Variants in ZNF234 observed in about 807,000 individuals in gnomAD.
The protein encoded by ZNF234 is zinc finger protein 234, also known as C2-H2 type zinc finger protein.
Under a neutral mutation model 10.3 loss-of-function variants are expected in ZNF234, and 4 were observed. The ratio of observed to expected loss-of-function variants is 0.39; its 90% confidence interval spans 0.19 to 0.89. ZNF234 has a LOEUF of 0.89. ZNF234 is among the 40% of genes least tolerant of loss of function. ZNF234 has a pLI of 0.38. For synonymous variants in ZNF234, 258 were observed against 280.1 expected (o/e 0.92, Z 0.79); for missense variants, 711 against 836.1 (o/e 0.85, Z 1.85).
At chr19:44,148,587 T>C in intron 3 of ZNF234, 184 bp from the exon 4 acceptor site, 1 of 804,250 alleles carries the variant, frequency 1.2e-6, no homozygotes, top group Non-Finnish European at 2.1e-6. Context: ...GATGTACTTT[T>C]ACTGACACTA....
At position 44,156,381 on chromosome 19, in the gene ZNF234, C is replaced by A. The variant is rs752940412; in HGVS notation, c.365C>A (p.Ser122Tyr). 3.1e-6 allele frequency: 5 copies of A among 1,613,572 alleles called. No individual in the cohort carries two copies. Among genetic ancestry groups the A allele is most frequent in the Non-Finnish European group, 4.2e-6 (5 of 1,179,730 alleles). The change falls in exon 6 of 6, where the codon TCT becomes TAT. Residue 122 changes from serine to tyrosine, a missense_variant. By Grantham distance (144) the Ser-to-Tyr change is moderately radical. Coordinates refer to ENST00000426739, the MANE Select transcript of ZNF234 (RefSeq NM_006630.3). ...TATGAAGACTCTATGATAAGTATTT[C>A]TCGGTTCCCCAGACAAGGTGATTTG... is the stretch of plus-strand genomic sequence containing the variant. ...IKYEDSMISI[S>Y]RFPRQGDLSC...
At position 44,158,141 on chromosome 19, in the gene ZNF234, T is replaced by C; in HGVS notation, c.*22T>C. The C allele has an allele frequency of 6.4e-7, 1 of 1,558,862 alleles. No individual in the cohort carries two copies. The highest frequency in any genetic ancestry group is 1.2e-5 in the South Asian group (1 of 85,144). On this transcript the variant is annotated 3_prime_UTR_variant, in exon 6 of 6. Coordinates refer to ENST00000426739, the MANE Select transcript of ZNF234 (RefSeq NM_006630.3). ...GTGATTAAAAAAAAAAAAACAGAACTCATGTACAACCTGAATGCTTGTAAT... is the reference window on the plus strand; with the variant it reads ...GTGATTAAAAAAAAAAAAACAGAACCCATGTACAACCTGAATGCTTGTAAT...
chr19:44,157,431 A>G lies in ZNF234; in HGVS notation c.1415A>G (p.Gln472Arg). ...GGCTTCAATCAGAGCTCACGACTTC[A>G]GATTCACCAGCTGATCCATACCGGT... is the stretch of plus-strand genomic sequence containing the variant. ...GQGFNQSSRL[Q>R]IHQLIHTGEK... Residue 472 changes from glutamine (Q) to arginine (R), a missense_variant, in exon 6 of 6, where the codon CAG becomes CGG. Physicochemically the swap from Gln to Arg is conservative, Grantham distance 43. Coordinates refer to ENST00000426739, the MANE Select transcript of ZNF234 (RefSeq NM_006630.3). 2 of 1,614,032 alleles carry G rather than the reference A, an allele frequency of 1.2e-6. No individual in the cohort carries two copies. The highest frequency in any genetic ancestry group is 1.1e-5 in the South Asian group (1 of 91,078).
In ZNF234 at chr19:44,159,224, C is replaced by G. The variant is rs1270763688; in HGVS notation, c.*1105C>G. The G allele has an allele frequency of 1.3e-5, 2 of 152,430 alleles. No homozygotes were observed. The highest frequency in any genetic ancestry group is 2.9e-5 in the Non-Finnish European group (2 of 68,218). The allele number at this position is 152,430 out of a possible 1,614,324, so 9.4% of individuals were successfully genotyped here. A position where few individuals can be genotyped will look rare whatever the true frequency, so the allele number is the denominator to read the frequency against. ...ACAGGACCTCGCTCTGTCACCGAGG[C>G]TGGAGTGCAGTGGCATAATCATGGC... On this transcript the variant is annotated 3_prime_UTR_variant, in exon 6 of 6. Transcript: ENST00000426739.
Position 44,157,689 on chromosome 19 carries a change from A to G in ZNF234, c.1673A>G (p.His558Arg). ...SFSRSAHLQA[H>R]QKVHTGEKPY... ...AGTCGGAGTGCACACCTTCAAGCCC[A>G]TCAAAAAGTCCACACTGGAGAAAAG... is the stretch of plus-strand genomic sequence containing the variant. The change falls in exon 6 of 6, where the codon CAT becomes CGT. Residue 558 changes from histidine to arginine, a missense_variant. His to Arg is a conservative substitution (Grantham distance 29). Coordinates refer to ENST00000426739, the MANE Select transcript of ZNF234 (RefSeq NM_006630.3). 1 of 1,614,114 alleles carries G rather than the reference A, an allele frequency of 6.2e-7. No homozygotes were observed. Among genetic ancestry groups the G allele is most frequent in the Non-Finnish European group, 8.5e-7 (1 of 1,180,020 alleles).
At chr19:44,150,344 C>A in intron 4 of ZNF234, 69 bp from the exon 5 acceptor site, 1 of 1,286,972 alleles carries the variant, frequency 7.8e-7, no homozygotes, top group Non-Finnish European at 1.1e-6. Context: ...AGTAGTAATT[C>A]AAATTGCCAG....
Position 44,157,718 on chromosome 19 carries a change from T to A in ZNF234, c.1702T>A (p.Tyr568Asn), listed in dbSNP as rs751475643. 32 of 1,614,054 alleles carry A rather than the reference T, an allele frequency of 2.0e-5. No individual in the cohort carries two copies. In the East Asian group the frequency reaches 7.1e-4, roughly 36 times the overall value. ...HQKVHTGEKPYKCGECGKGFK... is the reference protein window; with the variant it reads ...HQKVHTGEKPNKCGECGKGFK... ...AAAAGTCCACACTGGAGAAAAGCCATACAAATGTGGGGAGTGTGGAAAGGG... is the reference window on the plus strand; with the variant it reads ...AAAAGTCCACACTGGAGAAAAGCCAAACAAATGTGGGGAGTGTGGAAAGGG... Residue 568 changes from tyrosine to asparagine, a missense_variant, in exon 6 of 6, where the codon TAC (tyrosine) becomes AAC (asparagine). Physicochemically the swap from Tyr to Asn is moderately radical, Grantham distance 143. Transcript: ENST00000426739.
intron 5 of ZNF234, among the ~76,000 whole-genome samples, 189 bp downstream of exon 5, chr19:44,150,694 T>C (rs189495774): frequency 6.6e-5 from 10 of 152,128 alleles, no homozygotes; most frequent in African/African-American, 2.4e-4. Context: ...GCGTTCTCCA[T>C]ATCATAGCTA....
intron 4 of ZNF234, among the ~76,000 whole-genome samples, chr19:44,150,154 C>T (rs1007230568): frequency 6.6e-6 from 1 of 152,176 alleles, no homozygotes; most frequent in African/African-American, 2.4e-5. Context: ...GGGTCAGGGG[C>T]TCTCCAAAGA....
At chr19:44,143,876 A>G (rs1166825406) in intron 2 of ZNF234, among the ~76,000 whole-genome samples, 4 of 152,228 alleles carry the variant, frequency 2.6e-5, no homozygotes, top group African/African-American at 9.6e-5. Flanking sequence ...TGGGCAACAT[A>G]CTGTAAAGAC....
chr19:44,145,827 T>C (rs890138509), intron 3 of ZNF234, among the ~76,000 whole-genome samples: 3 of 152,254 alleles, frequency 2.0e-5, no homozygotes, highest in Non-Finnish European at 4.4e-5. Context: ...TGTATGTATT[T>C]TATTTACTAG....
Position 44,157,535 on chromosome 19 carries a change from A to G in ZNF234, c.1519A>G (p.Thr507Ala). 1 of 1,614,212 alleles carries G rather than the reference A, an allele frequency of 6.2e-7. No homozygotes were observed. Among genetic ancestry groups the G allele is most frequent in the South Asian group, 1.1e-5 (1 of 91,088 alleles). ...ADLKIHCRIH[T>A]GEKPYNCEEC... ...TCTTAAAATTCATTGTAGGATCCAC[A>G]CAGGGGAGAAACCATATAATTGTGA... The change falls in exon 6 of 6, where the codon ACA becomes GCA. Residue 507 changes from threonine to alanine, a missense_variant. Transcript: ENST00000426739.
chr19:44,157,813 G>A lies in ZNF234; in HGVS notation c.1797G>A (p.Gly599=). 1 of 1,613,536 alleles carries A rather than the reference G, an allele frequency of 6.2e-7. No individual in the cohort carries two copies. The highest frequency in any genetic ancestry group is 1.1e-5 in the South Asian group (1 of 91,058). Residue 599 remains glycine (G), a synonymous_variant, in exon 6 of 6, where the codon GGG becomes GGA. Coordinates refer to ENST00000426739, the MANE Select transcript of ZNF234 (RefSeq NM_006630.3). ...VHTGEKPYTC[G]ECGKHFSQAS... is the part of the protein sequence containing the mutation. ...CAGGAGAAAAACCCTATACATGTGG[G>A]GAGTGTGGGAAGCACTTCAGTCAGG...
At chr19:44,146,806 C>CTT (rs60083912) in intron 3 of ZNF234, among the ~76,000 whole-genome samples, 49 of 83,284 alleles carry the variant, frequency 5.9e-4, no homozygotes, top group Non-Finnish European at 9.6e-4. Context: ...CTCTCTCTCT[C>CTT]TTTTTTTTTT....
chr19:44,150,589 C>A, intron 5 of ZNF234, 84 bp downstream of exon 5: 1 of 1,151,424 alleles, frequency 8.7e-7, no homozygotes, highest in Non-Finnish European at 1.2e-6. Flanking sequence ...CCATCGGGTC[C>A]AAATTGCCAA....
intron 5 of ZNF234, among the ~76,000 whole-genome samples, chr19:44,152,389 G>A (rs1968763817): frequency 6.6e-6 from 1 of 152,168 alleles, no homozygotes; most frequent in South Asian, 2.1e-4. Flanking sequence ...TCACTCTAGG[G>A]GTCTTGCAGC....
intron 5 of ZNF234, among the ~76,000 whole-genome samples, chr19:44,152,514 T>C (rs1968768169): frequency 6.6e-6 from 1 of 152,214 alleles, no homozygotes; most frequent in Non-Finnish European, 1.5e-5. Context: ...CGTGAATGTT[T>C]GTGTGTGCAC....
In ZNF234 at chr19:44,157,699, C is replaced by T. The variant is rs764951762; in HGVS notation, c.1683C>T (p.Val561=). The T allele has an allele frequency of 6.2e-6, 10 of 1,613,840 alleles. No individual in the cohort carries two copies. The Admixed American group carries it at 1.7e-4, about 27-fold the overall frequency. ...CACACCTTCAAGCCCATCAAAAAGT[C>T]CACACTGGAGAAAAGCCATACAAAT... The part of the protein sequence containing the change: ...RSAHLQAHQK[V]HTGEKPYKCG... The change falls in exon 6 of 6, where the codon GTC becomes GTT. Residue 561 remains valine, a synonymous_variant. Coordinates refer to ENST00000426739, the MANE Select transcript of ZNF234 (RefSeq NM_006630.3).
chr19:44,151,440 G>A (rs753360300), intron 5 of ZNF234, among the ~76,000 whole-genome samples: 7 of 152,128 alleles, frequency 4.6e-5, no homozygotes, highest in Non-Finnish European at 1.0e-4. Context: ...CAAGTGACCC[G>A]CCTGCCTCAG....
Sources: gnomAD v4.1 joint callset for allele counts (sites outside exome capture counted in the v4.1 genomes callset) on GRCh38, gnomAD v4.1.1 for gene constraint, MANE v1.5 for transcripts, NCBI Gene and HGNC (gene_info 2026-07-23, HGNC 2026-07-21) for gene names.